LIFR: variants seen among roughly 807,000 people sequenced by gnomAD.
The protein encoded by LIFR is LIF receptor subunit alpha, also known as leukemia inhibitory factor receptor.
LIFR carries 84 observed loss-of-function variants against 122.2 expected under a neutral mutation model. The observed-to-expected ratio is 0.69, with a 90% confidence interval of 0.58 to 0.82. The LOEUF (loss-of-function observed/expected upper bound fraction) is 0.82. Among genes scored for constraint, LIFR ranks in the 40% least tolerant of loss-of-function variants. LIFR has a pLI of 0.00. For synonymous variants in LIFR, 422 were observed against 434.7 expected, an observed-to-expected ratio of 0.97 and a Z score of 0.36; for missense variants, 1,294 against 1,311.6, an observed-to-expected ratio of 0.99 and a Z score of 0.21.
At chr5:38,576,558 G>A (rs992306791) in intron 1 of LIFR, among the ~76,000 whole-genome samples, 4 of 152,120 alleles carry the variant, frequency 2.6e-5, no homozygotes, top group South Asian at 4.1e-4. Flanking sequence ...ACTATAATGC[G>A]AGCCAGCGCT....
intron 1 of LIFR, among the ~76,000 whole-genome samples, chr5:38,565,058 G>A (rs1748975309): frequency 6.6e-6 from 1 of 152,116 alleles, no homozygotes; most frequent in African/African-American, 2.4e-5. Context: ...ACAGGTGTGA[G>A]CTTTCATCTT....
intron 1 of LIFR, among the ~76,000 whole-genome samples, chr5:38,535,748 G>C (rs1747264493): frequency 6.6e-6 from 1 of 152,096 alleles, no homozygotes; most frequent in African/African-American, 2.4e-5. Flanking sequence ...AAAACTCTAA[G>C]CCAGCTGGCT....
At chr5:38,566,315 G>C (rs1333603237) in intron 1 of LIFR, among the ~76,000 whole-genome samples, 3 of 152,118 alleles carry the variant, frequency 2.0e-5, no homozygotes, top group African/African-American at 4.8e-5. Flanking sequence ...GTGGCTCAAA[G>C]TTAAAATAAA....
chr5:38,537,032 T>C (rs1747326284), intron 1 of LIFR, among the ~76,000 whole-genome samples: 3 of 152,240 alleles, frequency 2.0e-5, no homozygotes, highest in Admixed American at 2.0e-4. Context: ...TTTTTCTTTT[T>C]CAGGATCCTC....
chr5:38,503,841 G>A, intron 10 of LIFR, 135 bp downstream of exon 10: 3 of 692,006 alleles, frequency 4.3e-6, no homozygotes, highest in Non-Finnish European at 7.7e-6. Context: ...TACATGGATA[G>A]TAATGTCTTT....
chr5:38,507,472 G>A (rs1208620554), intron 7 of LIFR, among the ~76,000 whole-genome samples: 5 of 148,658 alleles, frequency 3.4e-5, no homozygotes, highest in Non-Finnish European at 7.4e-5. Context: ...GCTGAGGCAG[G>A]AGAACCGCTT....
At chr5:38,565,538 T>C (rs1401359130) in intron 1 of LIFR, among the ~76,000 whole-genome samples, 2 of 151,600 alleles carry the variant, frequency 1.3e-5, no homozygotes, top group African/African-American at 4.9e-5. Flanking sequence ...AGATGATGTA[T>C]ATGAGAAAGC....
chr5:38,557,139 A>G (rs556302163), upstream of LIFR: 7 of 152,012 alleles, frequency 4.6e-5, no homozygotes, highest in Admixed American at 2.0e-4. Context: ...AATTACCTAA[A>G]CAGCCCAGGG....
At chr5:38,520,947 G>C (rs1445750145) in intron 5 of LIFR, among the ~76,000 whole-genome samples, 2 of 152,126 alleles carry the variant, frequency 1.3e-5, no homozygotes, top group African/African-American at 4.8e-5. Flanking sequence ...CAAATTTTAG[G>C]ATTGTTTTTT....
intron 5 of LIFR, among the ~76,000 whole-genome samples, chr5:38,516,387 T>C (rs1161585975): frequency 3.3e-5 from 5 of 151,906 alleles, no homozygotes; most frequent in African/African-American, 1.2e-4. Flanking sequence ...AACAACCCCA[T>C]CAAAAAAGCG....
At chr5:38,535,801 T>C (rs1052387796) in intron 1 of LIFR, among the ~76,000 whole-genome samples, 32 of 152,172 alleles carry the variant, frequency 2.1e-4, no homozygotes, top group Non-Finnish European at 4.3e-4. Context: ...CCACACAGTA[T>C]ACTTTCATTG....
rs1744056318 is a variant in LIFR at position 38,482,620 on chromosome 5, T to C, written c.2639A>G (p.Lys880Arg). 2.0e-6 allele frequency: 3 copies of C among 1,505,482 alleles called. No individual in the cohort carries two copies. The highest frequency in any genetic ancestry group is 2.7e-6 in the Non-Finnish European group (3 of 1,107,398). 93.3% of individuals were successfully genotyped at this position (1,505,482 alleles called of 1,614,324 possible). A position where few individuals can be genotyped will look rare whatever the true frequency, so the allele number is the denominator to read the frequency against. Reference protein sequence around the residue: ...YPDIPNPENCKALQFQKSVCE... With the variant: ...YPDIPNPENCRALQFQKSVCE... ...GACACTCTTTTGAAACTGTAATGCTTTACAGTTTTCTGGATTTGGAATATC... is the reference window on the plus strand; with the variant it reads ...GACACTCTTTTGAAACTGTAATGCTCTACAGTTTTCTGGATTTGGAATATC... Residue 880 changes from lysine (K) to arginine (R), a missense_variant, in exon 19 of 20, where the codon AAA (lysine) becomes AGA (arginine). By Grantham distance (26) the Lys-to-Arg change is conservative. Transcript: ENST00000453190.
At chr5:38,486,185 C>T (rs1308936112) in intron 16 of LIFR, among the ~76,000 whole-genome samples, 1 of 152,202 alleles carries the variant, frequency 6.6e-6, no homozygotes, top group African/African-American at 2.4e-5. Flanking sequence ...ATTTAAACCA[C>T]TCTCAAGTGG....
chr5:38,533,984 G>A (rs895233606), intron 1 of LIFR, among the ~76,000 whole-genome samples: 1 of 152,192 alleles, frequency 6.6e-6, no homozygotes, highest in Non-Finnish European at 1.5e-5. Flanking sequence ...ACACTCGAGG[G>A]AGAAAAGACT....
intron 1 of LIFR, among the ~76,000 whole-genome samples, chr5:38,550,435 T>C (rs1748141323): frequency 1.3e-5 from 2 of 152,216 alleles, no homozygotes; most frequent in Non-Finnish European, 2.9e-5. Flanking sequence ...AATCCAGTGA[T>C]AACAGACTTT....
chr5:38,591,164 T>G (rs966099756), intron 1 of LIFR, among the ~76,000 whole-genome samples: 4 of 152,250 alleles, frequency 2.6e-5, no homozygotes, highest in Admixed American at 2.6e-4. Context: ...AAGCAAGGTT[T>G]AGGGAGAGAC....
chr5:38,534,547 T>C (rs1338670736), intron 1 of LIFR, among the ~76,000 whole-genome samples: 1 of 152,176 alleles, frequency 6.6e-6, no homozygotes, highest in Non-Finnish European at 1.5e-5. Flanking sequence ...GGTCTAGTCC[T>C]AGCAAAAATC....
At chr5:38,487,603 A>G (rs939615555) in intron 16 of LIFR, among the ~76,000 whole-genome samples, 6 of 152,214 alleles carry the variant, frequency 3.9e-5, no homozygotes, top group African/African-American at 1.2e-4. Flanking sequence ...GAGAATAATT[A>G]TAACAATATA....
intron 1 of LIFR, among the ~76,000 whole-genome samples, chr5:38,532,586 C>G (rs1409236358): frequency 6.6e-6 from 1 of 152,096 alleles, no homozygotes; most frequent in South Asian, 2.1e-4. Context: ...GAAGGATCAA[C>G]GGCAGTGTCA....
Sources: allele counts gnomAD v4.1 joint callset (sites outside exome capture counted in the v4.1 genomes callset), GRCh38; gene constraint gnomAD v4.1.1; transcripts MANE v1.5; gene names NCBI Gene and HGNC (gene_info 2026-07-23, HGNC 2026-07-21).